MYT1L: variants seen among roughly 807,000 people sequenced by gnomAD.
The protein encoded by MYT1L is myelin transcription factor 1-like protein.
MYT1L carries 12 observed loss-of-function variants against 126.7 expected under a neutral mutation model. The ratio of observed to expected loss-of-function variants is 0.09; its 90% CI spans 0.06 to 0.15. MYT1L has a LOEUF of 0.15. Among genes scored for constraint, MYT1L ranks in the 10% least tolerant of loss-of-function variants. The pLI, the probability that MYT1L is intolerant of heterozygous loss-of-function variation, is 1.00. For synonymous variants in MYT1L, 541 were observed against 604.2 expected (o/e 0.90, Z 1.53); for missense variants, 979 against 1,585.2 (o/e 0.62, Z 6.49).
At chr2:1,998,108 G>A (rs2062030844) in intron 4 of MYT1L, among the ~76,000 whole-genome samples, 1 of 152,192 alleles carries the variant, frequency 6.6e-6, no homozygotes, top group Non-Finnish European at 1.5e-5. Flanking sequence ...ACACGGGTCA[G>A]GGAATTTGAG....
chr2:2,152,483 C>T (rs1342772096), intron 3 of MYT1L, among the ~76,000 whole-genome samples: 1 of 152,188 alleles, frequency 6.6e-6, no homozygotes, highest in African/African-American at 2.4e-5. Flanking sequence ...TACGCTGATC[C>T]CCAAACTCAG....
At chr2:2,001,442 G>C (rs780013052) in intron 4 of MYT1L, among the ~76,000 whole-genome samples, 55 of 151,970 alleles carry the variant, frequency 3.6e-4, no homozygotes, top group Admixed American at 2.5e-3. Context: ...AGATCATGTC[G>C]CACCACTGTG....
At chr2:2,175,903 G>A (rs1480308919) in intron 2 of MYT1L, among the ~76,000 whole-genome samples, 1 of 152,218 alleles carries the variant, frequency 6.6e-6, no homozygotes, top group African/African-American at 2.4e-5. Context: ...AACAGCCGTA[G>A]GAGCTCCTTG....
chr2:2,023,478 C>T (rs2149845274), intron 4 of MYT1L, among the ~76,000 whole-genome samples: 1 of 152,320 alleles, frequency 6.6e-6, no homozygotes, highest in African/African-American at 2.4e-5. Context: ...CTTCAGGAGG[C>T]TGGCATAAGC....
Position 1,791,985 on chromosome 2 carries a change from A to C in MYT1L, c.3443T>G (p.Phe1148Cys). The C allele has an allele frequency of 6.2e-7, 1 of 1,604,060 alleles. No individual in the cohort carries two copies. The highest frequency in any genetic ancestry group is 8.5e-7 in the Non-Finnish European group (1 of 1,176,832). ...PHMDPINEQN[F>C]DAYVTTLTEM... Reference sequence around the variant, plus strand: ...CGTCAAAGTAGTCACGTAAGCATCAAAATTTTGTTCATTGATTGGATCCTA... The same window carrying C: ...CGTCAAAGTAGTCACGTAAGCATCACAATTTTGTTCATTGATTGGATCCTA... Residue 1148 changes from phenylalanine (F) to cysteine (C), a missense_variant, in exon 25 of 25, where the codon TTT (phenylalanine) becomes TGT (cysteine). Phe to Cys is a radical substitution (Grantham distance 205). Around this residue, in one of 12 missense-constraint regions of MYT1L, gnomAD observed 179 missense variants for 398.6 expected, o/e 0.45. Transcript: ENST00000647738. This position sits in a 1 kb window ranked among gnomAD's most constrained non-coding sequence, Gnocchi z 6.0.
At chr2:2,323,277 C>T (rs923266956) in intron 1 of MYT1L, among the ~76,000 whole-genome samples, 7 of 151,942 alleles carry the variant, frequency 4.6e-5, no homozygotes, top group African/African-American at 7.3e-5. Context: ...CAAATATTCA[C>T]TGTTATTGTT....
chr2:1,886,450 A>G (rs2048184393), intron 18 of MYT1L, 89 bp downstream of exon 18: 2 of 988,914 alleles, frequency 2.0e-6, no homozygotes, highest in Non-Finnish European at 2.9e-6. Context: ...TTTAACAGAC[A>G]TTTTTCTTTG....
intron 8 of MYT1L, among the ~76,000 whole-genome samples, chr2:1,973,662 A>G (rs541689494): frequency 1.3e-5 from 2 of 152,226 alleles, no homozygotes; most frequent in Non-Finnish European, 2.9e-5. Flanking sequence ...AATCACCTAC[A>G]CAGACAGAGA....
rs559954909 is a variant in MYT1L at position 1,892,391 on chromosome 2, C to T, written c.2033-104G>A. 5.0e-5 allele frequency: 72 copies of T among 1,445,674 alleles called. No homozygotes were observed. The Middle Eastern group carries it at 1.8e-3, about 36-fold the overall frequency. The allele number at this position is 1,445,674 out of a possible 1,614,324, so 89.6% of individuals were successfully genotyped here. On this transcript the variant is annotated intron_variant, in intron 14 of 24. Coordinates refer to ENST00000647738, the MANE Select transcript of MYT1L (RefSeq NM_001303052.2). Reference sequence around the variant, plus strand: ...CCCCGGCCTCAGCCACACACAGCCGCGTGGGACGGCCCTCAGGGTGCTGGG... The same window carrying T: ...CCCCGGCCTCAGCCACACACAGCCGTGTGGGACGGCCCTCAGGGTGCTGGG...
chr2:2,297,010 C>T (rs1029260293), intron 1 of MYT1L, among the ~76,000 whole-genome samples: 4 of 152,132 alleles, frequency 2.6e-5, no homozygotes, highest in African/African-American at 4.8e-5. Flanking sequence ...GAGGACCTTT[C>T]GGGGCCAATT....
At chr2:1,833,319 C>T (rs947172510) in intron 21 of MYT1L, among the ~76,000 whole-genome samples, 7 of 152,160 alleles carry the variant, frequency 4.6e-5, no homozygotes, top group South Asian at 2.1e-4. Flanking sequence ...GGCTCTGCTG[C>T]GTCTGCTATG....
intron 10 of MYT1L, among the ~76,000 whole-genome samples, chr2:1,918,474 T>C (rs1242995471): frequency 1.3e-5 from 2 of 152,240 alleles, no homozygotes; most frequent in South Asian, 2.1e-4. Context: ...CCAATCATGA[T>C]TGCTAGAAAA....
In MYT1L at chr2:1,943,258, G is replaced by T. The variant is rs577259113; in HGVS notation, c.229C>A (p.Pro77Thr). 378 of 1,558,682 alleles carry T rather than the reference G, an allele frequency of 2.4e-4. 1 individual carries two copies. In the East Asian group the frequency reaches 8.6e-3, roughly 36 times the overall value. The change falls in exon 9 of 25, where the codon CCA becomes ACA. Residue 77 changes from proline to threonine, a missense_variant. Coordinates refer to ENST00000647738, the MANE Select transcript of MYT1L (RefSeq NM_001303052.2). The surrounding 1 kb of genome is among the most constrained non-coding windows in gnomAD (Gnocchi z 4.4). ...QPQEPAPKRK[P>T]FAVKADSSSV... is the part of the protein sequence containing the mutation. ...GAGCTGTCTGCTTTCACGGCAAATG[G>T]CTTTCGTTTAGGAGCAGGTTCCTGG...
intron 8 of MYT1L, among the ~76,000 whole-genome samples, chr2:1,967,338 C>T (rs984857432): frequency 6.6e-6 from 1 of 152,148 alleles, no homozygotes; most frequent in African/African-American, 2.4e-5. Flanking sequence ...AGTGGGGTTG[C>T]GTCCCTGGGG....
chr2:1,884,047 G>A (rs554407121), intron 18 of MYT1L: 2 of 152,214 alleles, frequency 1.3e-5, no homozygotes, highest in Non-Finnish European at 2.9e-5. Flanking sequence ...ATCCAAGAGC[G>A]AGAGTTTATC....
At chr2:1,829,648 C>T (rs1449398036) in intron 21 of MYT1L, among the ~76,000 whole-genome samples, 3 of 137,006 alleles carry the variant, frequency 2.2e-5, no homozygotes, top group Non-Finnish European at 4.6e-5. Flanking sequence ...CTCCCATACA[C>T]CTGTGAACTG....
intron 4 of MYT1L, among the ~76,000 whole-genome samples, chr2:2,020,205 T>C (rs966001746): frequency 2.0e-5 from 3 of 152,222 alleles, no homozygotes; most frequent in Non-Finnish European, 4.4e-5. Flanking sequence ...TTCCATAGTA[T>C]AGCTACAATC....
intron 1 of MYT1L, among the ~76,000 whole-genome samples, chr2:2,293,468 G>A (rs1180576117): frequency 1.3e-5 from 2 of 152,202 alleles, no homozygotes; most frequent in Non-Finnish European, 2.9e-5. Context: ...GCAGGAGCAG[G>A]GCGTGGAGGG....
At chr2:1,854,112 T>C (rs2043616521) in intron 18 of MYT1L, among the ~76,000 whole-genome samples, 1 of 152,162 alleles carries the variant, frequency 6.6e-6, no homozygotes, top group Non-Finnish European at 1.5e-5. Flanking sequence ...AACACTGGAT[T>C]AATAAAATTT....
Sources: gnomAD v4.1 joint callset for allele counts (sites outside exome capture counted in the v4.1 genomes callset) on GRCh38, gnomAD v4.1.1 for gene constraint, gnomAD v4.1.1 regional missense constraint, Gnocchi (gnomAD v3.1) non-coding constraint, MANE v1.5 for transcripts, NCBI Gene and HGNC (gene_info 2026-07-23, HGNC 2026-07-21) for gene names.